CDK14: variants seen among roughly 807,000 people sequenced by gnomAD.
The protein encoded by CDK14 is cyclin-dependent kinase 14.
In CDK14, 34 loss-of-function variants were observed where a neutral mutation model predicts 60.7. The ratio of observed to expected loss-of-function variants is 0.56; its 90% confidence interval spans 0.43 to 0.75. The LOEUF is 0.75. Among genes scored for constraint, CDK14 ranks in the 30% least tolerant of loss-of-function variants. The pLI is 0.00. For missense variants in CDK14, 482 were observed against 564.1 expected, an observed-to-expected ratio of 0.85 and a Z score of 1.47; for synonymous variants, 197 against 203.7, an observed-to-expected ratio of 0.97 and a Z score of 0.28.
chr7:90,804,600 G>A (rs909068907), intron 5 of CDK14, among the ~76,000 whole-genome samples: 4 of 152,094 alleles, frequency 2.6e-5, no homozygotes, highest in Admixed American at 6.6e-5. Flanking sequence ...AATCTGATGG[G>A]TGTCTGCCAA....
chr7:90,854,973 G>A (rs1790776093), intron 5 of CDK14, among the ~76,000 whole-genome samples: 1 of 152,138 alleles, frequency 6.6e-6, no homozygotes, highest in African/African-American at 2.4e-5. Context: ...AGAGCCACAT[G>A]TCTAGCATTT....
At chr7:90,948,753 G>T (rs1016834007) in intron 8 of CDK14, among the ~76,000 whole-genome samples, 6 of 152,204 alleles carry the variant, frequency 3.9e-5, no homozygotes, top group African/African-American at 1.4e-4. Context: ...CAGATCTCAG[G>T]CCCCTCATCA....
chr7:90,667,715 G>A (rs568274584), intron 2 of CDK14, among the ~76,000 whole-genome samples: 83 of 151,926 alleles, frequency 5.5e-4, no homozygotes, highest in African/African-American at 2.0e-3. Context: ...GACTATAGGC[G>A]CCTGCCACCA....
chr7:91,035,961 A>G (rs1323523422), intron 10 of CDK14, among the ~76,000 whole-genome samples: 1 of 148,984 alleles, frequency 6.7e-6, no homozygotes, highest in African/African-American at 2.5e-5. Flanking sequence ...CTCCTGCCTC[A>G]GCCTCCCGAG....
At chr7:90,790,094 T>A (rs80062161) in intron 4 of CDK14, among the ~76,000 whole-genome samples, 3 of 119,662 alleles carry the variant, frequency 2.5e-5, no homozygotes, top group African/African-American at 9.8e-5. Flanking sequence ...AAAAGGGGAA[T>A]TTTTTCCTTT....
chr7:90,851,389 G>T (rs896736116), intron 5 of CDK14, among the ~76,000 whole-genome samples: 1 of 152,134 alleles, frequency 6.6e-6, no homozygotes, highest in African/African-American at 2.4e-5. Context: ...CATGAAACAA[G>T]ATGAAAACTT....
chr7:90,638,377 T>C (rs916060346), intron 2 of CDK14, among the ~76,000 whole-genome samples: 12 of 152,154 alleles, frequency 7.9e-5, no homozygotes, highest in Non-Finnish European at 1.5e-4. Flanking sequence ...TTTTATTTCT[T>C]CTTCACTTAT....
At chr7:90,616,978 T>C (rs892881705) in intron 2 of CDK14, among the ~76,000 whole-genome samples, 1 of 151,950 alleles carries the variant, frequency 6.6e-6, no homozygotes, top group Non-Finnish European at 1.5e-5. Flanking sequence ...AATGGTGGAC[T>C]TTTTTTTCAG....
At chr7:90,907,214 A>G (rs1792736730) in intron 7 of CDK14, among the ~76,000 whole-genome samples, 1 of 152,026 alleles carries the variant, frequency 6.6e-6, no homozygotes, top group African/African-American at 2.4e-5. Context: ...TTGGAAAGGT[A>G]GTTGAATTCC....
At chr7:91,104,149 TCCCACATA>T (rs990621490) in intron 12 of CDK14, among the ~76,000 whole-genome samples, 1 of 152,166 alleles carries the variant, frequency 6.6e-6, no homozygotes, top group Admixed American at 6.5e-5. Flanking sequence ...CAGTCTCTTG[TCCCACATA>T]CCCTTCCAGG....
chr7:90,950,083 AATTTTTGTTTTT>A lies in CDK14; in HGVS notation c.827-5601_827-5590del, dbSNP rs201910422. ...AATGTTCCAATTAAACAATAAAATT[AATTTTTGTTTTT>A]ATTTTTGTTTTTTGAGACGGAGTTT... On this transcript the variant is annotated intron_variant, in intron 8 of 14. Transcript: ENST00000380050. Among the ~76,000 whole-genome samples, 1,498 of 152,268 alleles carry A rather than the reference AATTTTTGTTTTT, an allele frequency of 9.8e-3. 24 individuals are homozygous for A. The highest frequency in any genetic ancestry group is 0.033 in the African/African-American group (1,375 of 41,546).
intron 2 of CDK14, among the ~76,000 whole-genome samples, chr7:90,637,260 T>C (rs1353001964): frequency 6.6e-6 from 1 of 151,434 alleles, no homozygotes; most frequent in Non-Finnish European, 1.5e-5. Context: ...CTGCTTTCTC[T>C]TGTGGGCATT....
chr7:91,195,090 A>C (rs1802491567), intron 14 of CDK14, among the ~76,000 whole-genome samples: 1 of 152,208 alleles, frequency 6.6e-6, no homozygotes, highest in East Asian at 1.9e-4. Flanking sequence ...ATTGTTTTAT[A>C]CCAGGAGGAA....
intron 8 of CDK14, among the ~76,000 whole-genome samples, chr7:90,941,375 T>G (rs915809162): frequency 3.3e-5 from 5 of 152,184 alleles, no homozygotes; most frequent in African/African-American, 9.7e-5. Context: ...TCACTTCCCC[T>G]AGATTTCTTT....
chr7:90,971,281 C>T (rs745490239), intron 9 of CDK14, among the ~76,000 whole-genome samples: 2 of 151,904 alleles, frequency 1.3e-5, no homozygotes, highest in African/African-American at 2.4e-5. Context: ...CAGGGAAAGA[C>T]AGTGTGATGA....
intron 6 of CDK14, among the ~76,000 whole-genome samples, chr7:90,884,514 G>GT (rs1347130562): frequency 1.3e-5 from 2 of 152,158 alleles, no homozygotes; most frequent in African/African-American, 4.8e-5. Context: ...ACTGTCCAAA[G>GT]TAATTTATAG....
chr7:90,985,736 A>G (rs943046807), intron 10 of CDK14, among the ~76,000 whole-genome samples: 1 of 152,154 alleles, frequency 6.6e-6, no homozygotes, highest in African/African-American at 2.4e-5. Context: ...GCAGTAGCCT[A>G]TATCCCTGTG....
chr7:90,679,577 T>A (rs769719637), intron 2 of CDK14, among the ~76,000 whole-genome samples: 5 of 152,176 alleles, frequency 3.3e-5, no homozygotes, highest in Non-Finnish European at 7.4e-5. Flanking sequence ...CCCAAAGCAG[T>A]TTATTTTAAA....
chr7:90,951,260 CTT>C (rs748660444), intron 8 of CDK14, among the ~76,000 whole-genome samples: 2 of 149,530 alleles, frequency 1.3e-5, no homozygotes, highest in Non-Finnish European at 1.5e-5. Flanking sequence ...AAGAGCAAGA[CTT>C]TTTTTTTTCT....
Sources: allele counts gnomAD v4.1 joint callset (sites outside exome capture counted in the v4.1 genomes callset), GRCh38; gene constraint gnomAD v4.1.1; transcripts MANE v1.5; gene names NCBI Gene and HGNC (gene_info 2026-07-23, HGNC 2026-07-21).